The following PITPNC1 variants were observed in gnomAD, a reference collection of about 807,000 sequenced individuals.
PITPNC1 encodes phosphatidylinositol transfer protein cytoplasmic 1.
A neutral mutation model predicts 44.7 loss-of-function variants in PITPNC1; 18 were observed. The ratio of observed to expected loss-of-function variants is 0.40; its 90% CI spans 0.28 to 0.60. PITPNC1 has a LOEUF of 0.60. PITPNC1 is among the 20% of genes least tolerant of loss of function. The pLI is 0.39. For missense variants in PITPNC1, 290 were observed against 418.4 expected, an observed-to-expected ratio of 0.69 and a Z score of 2.68; for synonymous variants, 141 against 149.6, an observed-to-expected ratio of 0.94 and a Z score of 0.42.
At chr17:67,653,141 G>T (rs1381774870) in intron 6 of PITPNC1, among the ~76,000 whole-genome samples, 1 of 152,152 alleles carries the variant, frequency 6.6e-6, no homozygotes, top group Non-Finnish European at 1.5e-5. Context: ...AATTAGCCAG[G>T]AGTGGTGGTG....
intron 1 of PITPNC1, among the ~76,000 whole-genome samples, chr17:67,444,862 A>T (rs2039072296): frequency 6.6e-6 from 1 of 151,976 alleles, no homozygotes; most frequent in South Asian, 2.1e-4. Context: ...GCACCACTGC[A>T]CTCCAGCCTG....
intron 6 of PITPNC1, among the ~76,000 whole-genome samples, chr17:67,640,788 G>A (rs376730378): frequency 2.4e-4 from 37 of 151,408 alleles, no homozygotes; most frequent in East Asian, 2.3e-3. Context: ...TCAGGAGTTC[G>A]AGACCAGCCA....
At chr17:67,572,875 G>A (rs1366706344) in intron 4 of PITPNC1, among the ~76,000 whole-genome samples, 1 of 151,980 alleles carries the variant, frequency 6.6e-6, no homozygotes, top group Non-Finnish European at 1.5e-5. Flanking sequence ...AGAGAGCACA[G>A]AGACCCAGAG....
At chr17:67,671,044 T>C (rs889724798) in intron 7 of PITPNC1, among the ~76,000 whole-genome samples, 1 of 152,092 alleles carries the variant, frequency 6.6e-6, no homozygotes, top group Non-Finnish European at 1.5e-5. Context: ...CACGCCACCA[T>C]GCCCAGCTAA....
chr17:67,407,983 T>A (rs760891138), intron 1 of PITPNC1, among the ~76,000 whole-genome samples: 5 of 151,784 alleles, frequency 3.3e-5, no homozygotes, highest in African/African-American at 1.2e-4. Flanking sequence ...TGAGACAGAG[T>A]CTTGCTCTGT....
intron 3 of PITPNC1, among the ~76,000 whole-genome samples, chr17:67,553,024 C>G (rs187490819): frequency 3.3e-5 from 5 of 152,286 alleles, no homozygotes; most frequent in African/African-American, 9.6e-5. Context: ...TTGGATCTCT[C>G]TTTGCCCCCA....
At chr17:67,614,310 T>G (rs1417160972) in intron 5 of PITPNC1, among the ~76,000 whole-genome samples, 2 of 152,224 alleles carry the variant, frequency 1.3e-5, no homozygotes, top group South Asian at 2.1e-4. Context: ...GAATAAAGAT[T>G]CTTTATTCTT....
intron 5 of PITPNC1, among the ~76,000 whole-genome samples, chr17:67,600,665 G>T (rs1434788312): frequency 2.6e-5 from 4 of 151,732 alleles, no homozygotes; most frequent in African/African-American, 9.7e-5. Flanking sequence ...GAAATACAAA[G>T]AATTTTTTAA....
intron 1 of PITPNC1, among the ~76,000 whole-genome samples, chr17:67,492,109 A>G (rs2039873411): frequency 6.6e-6 from 1 of 152,114 alleles, no homozygotes; most frequent in African/African-American, 2.4e-5. Flanking sequence ...TTATGGATAT[A>G]AGACATACAG....
chr17:67,692,616 G>T lies in PITPNC1; in HGVS notation c.727G>T (p.Glu243Ter). ...CCGAGAATTTGAACGAGCCACTCAGGAAGCCACCAACAAGAAAATCGGCAT... is the reference window on the plus strand; with the variant it reads ...CCGAGAATTTGAACGAGCCACTCAGTAAGCCACCAACAAGAAAATCGGCAT... ...EVREFERATQ[E>*]ATNKKIGIFP... is the part of the protein sequence containing the mutation. Residue 243 changes from glutamate to a stop codon, truncating the protein, a stop_gained, in exon 9 of 9, where the codon GAA becomes TAA. Coordinates refer to ENST00000581322, the MANE Select transcript of PITPNC1 (RefSeq NM_012417.4). LOFTEE classifies it high-confidence loss of function. 1 of 1,613,792 alleles carries T rather than the reference G, an allele frequency of 6.2e-7. No homozygotes were observed. Among genetic ancestry groups the T allele is most frequent in the Non-Finnish European group, 8.5e-7 (1 of 1,179,776 alleles).
chr17:67,558,297 CACTT>C (rs974239515), intron 4 of PITPNC1, among the ~76,000 whole-genome samples: 8 of 151,366 alleles, frequency 5.3e-5, no homozygotes, highest in Admixed American at 6.6e-5. Context: ...AAAAAAAAAA[CACTT>C]AATTATACAG....
At chr17:67,632,571 T>A in intron 6 of PITPNC1, 1 of 187,418 alleles carries the variant, frequency 5.3e-6, no homozygotes, top group Admixed American at 7.0e-5. Context: ...CATGCGCTCT[T>A]TTTTTTTTTT....
At chr17:67,547,531 CAAAAT>C (rs1365372599) in intron 2 of PITPNC1, among the ~76,000 whole-genome samples, 1 of 152,000 alleles carries the variant, frequency 6.6e-6, no homozygotes, top group Non-Finnish European at 1.5e-5. Context: ...AGAAAAAGAA[CAAAAT>C]AAAATTTCTA....
In PITPNC1 at chr17:67,597,247, C is replaced by G. The variant is rs1422244820; in HGVS notation, c.366+18990C>G. ...TAGTTCCTGACATATCATAGATGTT[C>G]AGTAAATATCAATTATCTTCCTCAG... On this transcript the variant is annotated intron_variant, in intron 5 of 8. Coordinates refer to ENST00000581322, the MANE Select transcript of PITPNC1 (RefSeq NM_012417.4). The surrounding 1 kb of genome is among the most constrained non-coding windows in gnomAD (Gnocchi z 4.0). Among the ~76,000 whole-genome samples the G allele has an allele frequency of 6.6e-6, 1 of 151,916 alleles. No individual in the cohort carries two copies. The highest frequency in any genetic ancestry group is 1.5e-5 in the Non-Finnish European group (1 of 67,972).
chr17:67,514,391 G>C (rs1322979767), intron 1 of PITPNC1, among the ~76,000 whole-genome samples: 1 of 151,426 alleles, frequency 6.6e-6, no homozygotes, highest in Admixed American at 6.6e-5. Flanking sequence ...AGTAGAGATG[G>C]GGTTTTACCA....
chr17:67,486,376 T>C (rs1175555341), intron 1 of PITPNC1, among the ~76,000 whole-genome samples: 1 of 152,222 alleles, frequency 6.6e-6, no homozygotes, highest in Admixed American at 6.5e-5. Flanking sequence ...TTAGCCTGCC[T>C]TTAATGAGTA....
Position 67,523,806 on chromosome 17 carries a change from C to CCTTTTTT in PITPNC1, c.49-8996_49-8995insCTTTTTT, listed in dbSNP as rs1281830078. ...CACCAGCTCAGAAATACATGGAAAC[C>CCTTTTTT]GTTTTTTTTTTTTTTTTTTTTTTTA... On this transcript the variant is annotated intron_variant, in intron 1 of 8. Transcript: ENST00000581322. 7.1e-5 allele frequency among the ~76,000 whole-genome samples: 9 copies of CCTTTTTT among 127,624 alleles called. 3 individuals carry two copies. Among genetic ancestry groups the CCTTTTTT allele is most frequent in the Non-Finnish European group, 3.3e-5 (2 of 61,254 alleles). 83.7% of individuals were successfully genotyped at this position (127,624 alleles called of 152,430 possible). A position where few individuals can be genotyped will look rare whatever the true frequency, so the allele number is the denominator to read the frequency against.
At chr17:67,504,631 T>C (rs112313820) in intron 1 of PITPNC1, among the ~76,000 whole-genome samples, 4,473 of 151,224 alleles carry the variant, frequency 0.03, 114 homozygotes, top group African/African-American at 0.074. Context: ...CAGTCAGTCT[T>C]CTTTCTTTTT....
intron 2 of PITPNC1, among the ~76,000 whole-genome samples, chr17:67,550,635 C>G (rs776076697): frequency 2.0e-5 from 3 of 152,024 alleles, no homozygotes; most frequent in Admixed American, 6.6e-5. Context: ...TGAGAGTATA[C>G]GTCGTCTTCC....
Sources: gnomAD v4.1 joint callset for allele counts (sites outside exome capture counted in the v4.1 genomes callset) on GRCh38, gnomAD v4.1.1 for gene constraint, Gnocchi (gnomAD v3.1) non-coding constraint, MANE v1.5 for transcripts, NCBI Gene and HGNC (gene_info 2026-07-23, HGNC 2026-07-21) for gene names.